CNTNAP2: variants seen among roughly 807,000 people sequenced by gnomAD.
CNTNAP2 encodes the protein contactin associated protein 2.
In CNTNAP2, 98 loss-of-function variants were observed where a neutral mutation model predicts 155.2. The observed-to-expected ratio is 0.63, with a 90% confidence interval of 0.54 to 0.75. CNTNAP2 has a LOEUF of 0.75. CNTNAP2 is among the 30% of genes least tolerant of loss of function. CNTNAP2 has a pLI of 0.00. For synonymous variants in CNTNAP2, 651 were observed against 631.2 expected, an observed-to-expected ratio of 1.03 and a Z score of -0.47; for missense variants, 1,727 against 1,688.1, an observed-to-expected ratio of 1.02 and a Z score of -0.40.
chr7:146,721,810 G>C (rs1392983678), intron 1 of CNTNAP2, among the ~76,000 whole-genome samples: 6 of 110,362 alleles, frequency 5.4e-5, no homozygotes, highest in Non-Finnish European at 8.6e-5. Flanking sequence ...ACTATATATA[G>C]TCTATATATG....
At chr7:148,339,354 T>C (rs1239427225) in intron 21 of CNTNAP2, 1 of 152,252 alleles carries the variant, frequency 6.6e-6, no homozygotes, top group Non-Finnish European at 1.5e-5. Flanking sequence ...GTCCAGATAT[T>C]GGCTTTTCCT....
At chr7:148,359,696 A>AT (rs1798581664) in intron 21 of CNTNAP2, among the ~76,000 whole-genome samples, 1 of 152,228 alleles carries the variant, frequency 6.6e-6, no homozygotes, top group South Asian at 2.1e-4. Flanking sequence ...AATTTTTTTA[A>AT]TTGTCTCACA....
At chr7:147,234,276 C>T (rs1194693368) in intron 8 of CNTNAP2, among the ~76,000 whole-genome samples, 2 of 150,208 alleles carry the variant, frequency 1.3e-5, no homozygotes, top group Non-Finnish European at 3.0e-5. Flanking sequence ...CATTATTTCA[C>T]TAGTTCTTTC....
At chr7:148,195,952 C>G (rs1349220205) in intron 18 of CNTNAP2, among the ~76,000 whole-genome samples, 1 of 152,162 alleles carries the variant, frequency 6.6e-6, no homozygotes, top group African/African-American at 2.4e-5. Flanking sequence ...TTCTACTGAC[C>G]TGCAAAATGT....
chr7:146,621,262 G>A (rs1182851890), intron 1 of CNTNAP2, among the ~76,000 whole-genome samples: 2 of 152,054 alleles, frequency 1.3e-5, no homozygotes, highest in African/African-American at 2.4e-5. Context: ...TCACATTCCC[G>A]TTATCACCGA....
At chr7:147,473,883 CAGCCTGACA>C (rs981475758) in intron 10 of CNTNAP2, among the ~76,000 whole-genome samples, 11 of 151,816 alleles carry the variant, frequency 7.2e-5, no homozygotes, top group African/African-American at 2.7e-4. Flanking sequence ...AGTTTGAGAC[CAGCCTGACA>C]AACATGGAGA....
intron 8 of CNTNAP2, among the ~76,000 whole-genome samples, chr7:147,297,060 T>C (rs1313790688): frequency 6.6e-6 from 1 of 152,202 alleles, no homozygotes; most frequent in African/African-American, 2.4e-5. Context: ...GGAACATCTA[T>C]TGACATTAAA....
At chr7:147,647,557 T>C (rs1260874580) in intron 13 of CNTNAP2, among the ~76,000 whole-genome samples, 1 of 152,194 alleles carries the variant, frequency 6.6e-6, no homozygotes, top group Non-Finnish European at 1.5e-5. Flanking sequence ...CAGTTGATTA[T>C]GGGCTATTCA....
At chr7:146,896,114 A>T (rs1795871258) in intron 3 of CNTNAP2, among the ~76,000 whole-genome samples, 1 of 152,146 alleles carries the variant, frequency 6.6e-6, no homozygotes, top group Non-Finnish European at 1.5e-5. Flanking sequence ...TTTAAATCTG[A>T]GAAACAAAAT....
chr7:147,012,979 A>T (rs1435039301), intron 3 of CNTNAP2, among the ~76,000 whole-genome samples: 2 of 152,132 alleles, frequency 1.3e-5, no homozygotes, highest in African/African-American at 4.8e-5. Context: ...GATGATAAAA[A>T]TCAAATTAAT....
chr7:146,199,555 A>G (rs1009235467), intron 1 of CNTNAP2, among the ~76,000 whole-genome samples: 4 of 152,234 alleles, frequency 2.6e-5, no homozygotes, highest in Non-Finnish European at 5.9e-5. Context: ...TTGTAATTTT[A>G]TCACTGCACA....
At chr7:147,360,145 A>G (rs1217171548) in intron 9 of CNTNAP2, among the ~76,000 whole-genome samples, 1 of 152,142 alleles carries the variant, frequency 6.6e-6, no homozygotes, top group Non-Finnish European at 1.5e-5. Context: ...TTGTTTATGC[A>G]TGGCTTCAAG....
At chr7:147,130,311 G>A (rs1563087111) in intron 7 of CNTNAP2, among the ~76,000 whole-genome samples, 1 of 151,690 alleles carries the variant, frequency 6.6e-6, no homozygotes, top group Admixed American at 6.6e-5. Flanking sequence ...AATTAGCTGG[G>A]CATAATGGTG....
intron 21 of CNTNAP2, among the ~76,000 whole-genome samples, chr7:148,331,914 G>A (rs1404477487): frequency 6.6e-6 from 1 of 152,130 alleles, no homozygotes; most frequent in Non-Finnish European, 1.5e-5. Flanking sequence ...GCAGGAGGGA[G>A]AAAATGGAGC....
At chr7:146,117,578 C>T (rs1430549303) in intron 1 of CNTNAP2, among the ~76,000 whole-genome samples, 1 of 152,092 alleles carries the variant, frequency 6.6e-6, no homozygotes, top group African/African-American at 2.4e-5. Flanking sequence ...TGATGCAGTA[C>T]GGTACTTGGG....
chr7:147,567,807 C>T (rs764672248), intron 12 of CNTNAP2, among the ~76,000 whole-genome samples: 6 of 152,142 alleles, frequency 3.9e-5, no homozygotes, highest in East Asian at 1.9e-4. Context: ...AATCTTTGGC[C>T]GGGCACGGCG....
At chr7:147,854,888 C>T (rs1341406447) in intron 13 of CNTNAP2, among the ~76,000 whole-genome samples, 1 of 151,858 alleles carries the variant, frequency 6.6e-6, no homozygotes, top group African/African-American at 2.4e-5. Flanking sequence ...AATGAAAAGG[C>T]CAAATTGAGA....
At chr7:148,131,043 C>A (rs1010100328) in intron 16 of CNTNAP2, among the ~76,000 whole-genome samples, 2 of 147,022 alleles carry the variant, frequency 1.4e-5, no homozygotes, top group African/African-American at 5.0e-5. Flanking sequence ...TTTCTTCTAT[C>A]TCACTCTCTT....
At chr7:147,423,550 T>G (rs1235065643) in intron 10 of CNTNAP2, among the ~76,000 whole-genome samples, 1 of 152,166 alleles carries the variant, frequency 6.6e-6, no homozygotes, top group African/African-American at 2.4e-5. Flanking sequence ...CATCACCTCC[T>G]CATCCTTGCA....
Sources: gnomAD v4.1 joint callset for allele counts (sites outside exome capture counted in the v4.1 genomes callset) on GRCh38, gnomAD v4.1.1 for gene constraint, MANE v1.5 for transcripts, NCBI Gene and HGNC (gene_info 2026-07-23, HGNC 2026-07-21) for gene names.